Variants in IYD observed in about 807,000 individuals in gnomAD.
IYD encodes iodotyrosine deiodinase 1.
IYD carries 25 observed loss-of-function variants against 28.4 expected under a neutral mutation model. That is an observed-to-expected ratio of 0.88 (90% CI 0.64 to 1.23). IYD has a LOEUF of 1.23. IYD is among the 50% of genes most tolerant of loss of function. The pLI, the probability that IYD is intolerant of heterozygous loss-of-function variation, is 0.00. For missense variants in IYD, 352 were observed against 357.9 expected, an observed-to-expected ratio of 0.98 and a Z score of 0.13; for synonymous variants, 140 against 130.8, an observed-to-expected ratio of 1.07 and a Z score of -0.48.
chr6:150,375,004 G>A (rs1026873838), intron 1 of IYD, among the ~76,000 whole-genome samples: 1 of 152,162 alleles, frequency 6.6e-6, no homozygotes, highest in South Asian at 2.1e-4. Flanking sequence ...CTTTAGGAAA[G>A]CACTTCCCTA....
At chr6:150,383,201 A>T (rs1021049302) in intron 1 of IYD, among the ~76,000 whole-genome samples, 3 of 152,186 alleles carry the variant, frequency 2.0e-5, no homozygotes, top group African/African-American at 7.2e-5. Context: ...TTAGGCTGCA[A>T]GCACATATCA....
intron 1 of IYD, among the ~76,000 whole-genome samples, chr6:150,377,779 C>T (rs1777502268): frequency 6.6e-6 from 1 of 152,214 alleles, no homozygotes; most frequent in Non-Finnish European, 1.5e-5. Flanking sequence ...CACTTATTAA[C>T]TACAGAGGCT....
At chr6:150,387,969 G>T (rs1223913994) in intron 1 of IYD, among the ~76,000 whole-genome samples, 1 of 151,828 alleles carries the variant, frequency 6.6e-6, no homozygotes, top group Non-Finnish European at 1.5e-5. Flanking sequence ...CCAGTATTTG[G>T]AGTCTTTGGG....
chr6:150,395,917 C>CA (rs1778296225), intron 4 of IYD: 2 of 507,510 alleles, frequency 3.9e-6, no homozygotes, highest in East Asian at 3.2e-5. Context: ...CACTGAGTCC[C>CA]CTATCAACGG....
At chr6:150,387,248 T>C (rs1264289291) in intron 1 of IYD, among the ~76,000 whole-genome samples, 2 of 151,966 alleles carry the variant, frequency 1.3e-5, no homozygotes, top group Non-Finnish European at 2.9e-5. Context: ...TTTTTCCCCT[T>C]GTAGCAGCTG....
chr6:150,395,946 G>A (rs1778297125), intron 4 of IYD: 2 of 456,450 alleles, frequency 4.4e-6, no homozygotes, highest in South Asian at 6.7e-5. Context: ...ATCTCACTGG[G>A]TGGGGATGCT....
chr6:150,374,502 T>C (rs749275622), intron 1 of IYD, among the ~76,000 whole-genome samples: 4 of 152,214 alleles, frequency 2.6e-5, no homozygotes, highest in Non-Finnish European at 4.4e-5. Flanking sequence ...CTCGCAATCA[T>C]GGTAGAAGGT....
chr6:150,402,861 A>T lies in IYD; in HGVS notation c.*4624A>T, dbSNP rs960214160. 18 of 152,208 alleles carry T rather than the reference A, an allele frequency of 1.2e-4. No homozygotes were observed. Among genetic ancestry groups the T allele is most frequent in the African/African-American group, 4.3e-4 (18 of 41,450 alleles). The allele number at this position is 152,208 out of a possible 1,614,324, so 9.4% of individuals were successfully genotyped here. A position where few individuals can be genotyped will look rare whatever the true frequency, so the allele number is the denominator to read the frequency against. On this transcript the variant is annotated 3_prime_UTR_variant, in exon 5 of 5. Coordinates refer to ENST00000344419, the MANE Select transcript of IYD (RefSeq NM_203395.3). ...TATTGGGGGTAAATAGTTATTGCAC[A>T]TTTGCTCAAACCCCAGCAAAGTGCA...
chr6:150,382,411 G>A (rs1439254051), intron 1 of IYD, among the ~76,000 whole-genome samples: 1 of 152,096 alleles, frequency 6.6e-6, no homozygotes, highest in South Asian at 2.1e-4. Context: ...GCTTCTTGGA[G>A]AACCTAAGTA....
intron 4 of IYD, chr6:150,396,428 T>A: frequency 3.0e-6 from 2 of 674,528 alleles, no homozygotes; most frequent in South Asian, 3.3e-5. Context: ...ACATTAATAA[T>A]ATTAATAAGA....
intron 3 of IYD, 125 bp downstream of exon 3, chr6:150,392,629 AT>A: frequency 9.7e-7 from 1 of 1,029,524 alleles, no homozygotes; most frequent in Non-Finnish European, 1.5e-6. Flanking sequence ...TCTTGGAGGA[AT>A]TACGGAAGTT....
chr6:150,386,704 A>T (rs1277401782), intron 1 of IYD, among the ~76,000 whole-genome samples: 1 of 152,168 alleles, frequency 6.6e-6, no homozygotes, highest in Non-Finnish European at 1.5e-5. Flanking sequence ...AATTGCATAC[A>T]TATTTAAAAT....
rs917337118 is a variant in IYD, at chr6:150,404,146, T to A, written c.*5909T>A. 2.0e-5 allele frequency: 3 copies of A among 152,224 alleles called. No homozygotes were observed. Among genetic ancestry groups the A allele is most frequent in the African/African-American group, 7.2e-5 (3 of 41,446 alleles). 9.4% of individuals were successfully genotyped at this position (152,224 alleles called of 1,614,324 possible). On this transcript the variant is annotated 3_prime_UTR_variant, in exon 5 of 5. Transcript: ENST00000344419. Reference sequence around the variant, plus strand: ...CTCATCTGAGTTGTCCACCATATTGTGGGCATGAGTCCTTGACAATAGTAA... The same window carrying A: ...CTCATCTGAGTTGTCCACCATATTGAGGGCATGAGTCCTTGACAATAGTAA...
chr6:150,396,685 T>C lies in IYD; in HGVS notation c.688-1370T>C, dbSNP rs181505309. ...GTCAGGAGATCGAGACCATCCTGGCTAACATGGTGAAACCCGGCCTTTACT... is the reference window on the plus strand; with the variant it reads ...GTCAGGAGATCGAGACCATCCTGGCCAACATGGTGAAACCCGGCCTTTACT... On this transcript the variant is annotated intron_variant, in intron 4 of 4. Coordinates refer to ENST00000344419, the MANE Select transcript of IYD (RefSeq NM_203395.3). The C allele has an allele frequency of 3.4e-3, 1,188 of 353,902 alleles. 11 individuals are homozygous for C. Among genetic ancestry groups the C allele is most frequent in the South Asian group, 0.016 (346 of 22,068 alleles). 21.9% of individuals were successfully genotyped at this position (353,902 alleles called of 1,614,324 possible).
At position 150,403,794 on chromosome 6, in the gene IYD, G is replaced by A. The variant is rs575482917; in HGVS notation, c.*5557G>A. On this transcript the variant is annotated 3_prime_UTR_variant, in exon 5 of 5. Coordinates refer to ENST00000344419, the MANE Select transcript of IYD (RefSeq NM_203395.3). Reference sequence around the variant, plus strand: ...TCATGGCTCAGAGCCAAATGTTCAGGATTGAATTCAACAGCATTTAAATGT... The same window carrying A: ...TCATGGCTCAGAGCCAAATGTTCAGAATTGAATTCAACAGCATTTAAATGT... The A allele has an allele frequency of 3.3e-5, 5 of 152,220 alleles. No homozygotes were observed. Among genetic ancestry groups the A allele is most frequent in the African/African-American group, 1.2e-4 (5 of 41,460 alleles). The allele number at this position is 152,220 out of a possible 1,614,324, so 9.4% of individuals were successfully genotyped here. A position where few individuals can be genotyped will look rare whatever the true frequency, so the allele number is the denominator to read the frequency against.
chr6:150,370,850 G>T (rs562366806), intron 1 of IYD, among the ~76,000 whole-genome samples: 52 of 152,298 alleles, frequency 3.4e-4, no homozygotes, highest in African/African-American at 1.2e-3. Context: ...GAGGGAATGA[G>T]GATCCAGCTT....
intron 1 of IYD, among the ~76,000 whole-genome samples, chr6:150,380,493 T>C (rs757789832): frequency 5.3e-5 from 8 of 152,176 alleles, no homozygotes; most frequent in Non-Finnish European, 7.4e-5. Context: ...AATACTTACA[T>C]AACCCAAGGG....
At chr6:150,392,259 G>A in intron 2 of IYD, 86 bp from the exon 3 acceptor site, 1 of 1,603,008 alleles carries the variant, frequency 6.2e-7, no homozygotes, top group East Asian at 2.2e-5. Context: ...CAAAGTGCTT[G>A]GACTACAGGG....
chr6:150,385,750 C>G (rs1777839083), intron 1 of IYD, among the ~76,000 whole-genome samples: 1 of 151,908 alleles, frequency 6.6e-6, no homozygotes, highest in Admixed American at 6.6e-5. Context: ...TCTATTGTAT[C>G]TGGACCTAGA....
Sources: gnomAD v4.1 joint callset for allele counts (sites outside exome capture counted in the v4.1 genomes callset) on GRCh38, gnomAD v4.1.1 for gene constraint, MANE v1.5 for transcripts, NCBI Gene and HGNC (gene_info 2026-07-23, HGNC 2026-07-21) for gene names.